The following AGPAT3 variants were observed in gnomAD, a reference collection of about 807,000 sequenced individuals.
AGPAT3 encodes 1-acyl-sn-glycerol-3-phosphate acyltransferase gamma.
In AGPAT3, 5 loss-of-function variants were observed where a neutral mutation model predicts 47.3. That is an observed-to-expected ratio of 0.11 (90% CI 0.06 to 0.22). The LOEUF (loss-of-function observed/expected upper bound fraction) is 0.22, where lower values mean the gene tolerates loss of function less well. AGPAT3 is among the 10% of genes least tolerant of loss of function. The pLI, the probability that AGPAT3 is intolerant of heterozygous loss-of-function variation, is 1.00. For missense variants in AGPAT3, 315 were observed against 493.0 expected, an observed-to-expected ratio of 0.64 and a Z score of 3.42; for synonymous variants, 212 against 208.3, an observed-to-expected ratio of 1.02 and a Z score of -0.15.
intron 7 of AGPAT3, 31 bp downstream of exon 7, chr21:43,971,521 C>A: frequency 6.3e-7 from 1 of 1,599,068 alleles, no homozygotes; most frequent in South Asian, 1.1e-5. Flanking sequence ...TCTCGCGCCG[C>A]CCCCCATACC....
In AGPAT3 at chr21:43,908,351, C is replaced by G. The variant is rs2086552179; in HGVS notation, c.-49+4332C>G. 6.6e-6 allele frequency among the ~76,000 whole-genome samples: 1 copy of G among 152,312 alleles called. No homozygotes were observed. The highest frequency in any genetic ancestry group is 3.4e-3 in the Middle Eastern group (1 of 294). The stretch of plus-strand genomic sequence containing the variant: ...GCCAAGTTCACACATGGCCACCTGC[C>G]AACCTGACCTGTGTGTTGAGCCCCG... On this transcript the variant is annotated intron_variant, in intron 2 of 9. Transcript: ENST00000291572. This position sits in a 1 kb window ranked among gnomAD's most constrained non-coding sequence, Gnocchi z 4.9.
At chr21:43,891,413 C>T (rs2086100047) in intron 1 of AGPAT3, among the ~76,000 whole-genome samples, 1 of 152,156 alleles carries the variant, frequency 6.6e-6, no homozygotes, top group African/African-American at 2.4e-5. Flanking sequence ...GTGGGCAGAT[C>T]ACGAGGTTAG....
Position 43,955,965 on chromosome 21 carries a change from G to C in AGPAT3, c.-48-3669G>C, listed in dbSNP as rs1290068013. ...TAGCAACGGAATCAGCAGGTCTGCT[G>C]TGGAGCCCGGGCATCTGCTTCTCGG... On this transcript the variant is annotated intron_variant, in intron 2 of 9. Coordinates refer to ENST00000291572, the MANE Select transcript of AGPAT3 (RefSeq NM_020132.5). This position sits in a 1 kb window ranked among gnomAD's most constrained non-coding sequence, Gnocchi z 4.1. 1.3e-5 allele frequency among the ~76,000 whole-genome samples: 2 copies of C among 151,966 alleles called. No homozygotes were observed. Among genetic ancestry groups the C allele is most frequent in the Non-Finnish European group, 2.9e-5 (2 of 68,024 alleles).
chr21:43,980,923 T>C (rs2089826894), intron 8 of AGPAT3, 66 bp from the exon 9 acceptor site: 1 of 1,385,316 alleles, frequency 7.2e-7, no homozygotes, highest in South Asian at 1.2e-5. Flanking sequence ...AACAATCTTC[T>C]CCTGCATTGA....
intron 1 of AGPAT3, among the ~76,000 whole-genome samples, chr21:43,886,647 G>A (rs1376798681): frequency 6.6e-6 from 1 of 152,100 alleles, no homozygotes; most frequent in Non-Finnish European, 1.5e-5. Context: ...GTCTTCATGA[G>A]TTCAGTTGTT....
intron 2 of AGPAT3, among the ~76,000 whole-genome samples, chr21:43,921,344 G>A (rs967783117): frequency 1.3e-5 from 2 of 152,070 alleles, no homozygotes; most frequent in Admixed American, 6.5e-5. Flanking sequence ...ACCAGTAGAC[G>A]GTGTTCCCAG....
At position 43,939,263 on chromosome 21, in the gene AGPAT3, G is replaced by C. The variant is rs947959370; in HGVS notation, c.-48-20371G>C. ...TTAGGAACACCCCATCCCCGTCCCCGTGTGCTGTCGAGGGCCTCTAGCGGG... is the reference window on the plus strand; with the variant it reads ...TTAGGAACACCCCATCCCCGTCCCCCTGTGCTGTCGAGGGCCTCTAGCGGG... On this transcript the variant is annotated intron_variant, in intron 2 of 9. Coordinates refer to ENST00000291572, the MANE Select transcript of AGPAT3 (RefSeq NM_020132.5). This position sits in a 1 kb window ranked among gnomAD's most constrained non-coding sequence, Gnocchi z 4.4. Among the ~76,000 whole-genome samples the C allele has an allele frequency of 6.6e-6, 1 of 152,024 alleles. No homozygotes were observed. The highest frequency in any genetic ancestry group is 1.5e-5 in the Non-Finnish European group (1 of 67,986).
At position 43,922,459 on chromosome 21, in the gene AGPAT3, G is replaced by A. The variant is rs1359660007; in HGVS notation, c.-49+18440G>A. Reference sequence around the variant, plus strand: ...ACCCCACCCTCAAGGCAGGCAGCGAGTGGAGGAGAGTCTCCCTGGGACCCT... The same window carrying A: ...ACCCCACCCTCAAGGCAGGCAGCGAATGGAGGAGAGTCTCCCTGGGACCCT... On this transcript the variant is annotated intron_variant, in intron 2 of 9. Coordinates refer to ENST00000291572, the MANE Select transcript of AGPAT3 (RefSeq NM_020132.5). This position sits in a 1 kb window ranked among gnomAD's most constrained non-coding sequence, Gnocchi z 4.9. Among the ~76,000 whole-genome samples the A allele has an allele frequency of 6.6e-6, 1 of 152,256 alleles. No homozygotes were observed. The highest frequency in any genetic ancestry group is 6.5e-5 in the Admixed American group (1 of 15,292).
At chr21:43,900,890 G>A (rs1402715152) in intron 1 of AGPAT3, among the ~76,000 whole-genome samples, 3 of 152,166 alleles carry the variant, frequency 2.0e-5, no homozygotes, top group African/African-American at 4.8e-5. Flanking sequence ...GGAGATGCAG[G>A]ACAGCAGCAA....
At chr21:43,889,487 C>T (rs900589343) in intron 1 of AGPAT3, among the ~76,000 whole-genome samples, 2 of 152,096 alleles carry the variant, frequency 1.3e-5, no homozygotes, top group South Asian at 2.1e-4. Context: ...CCAATTTAGC[C>T]ATGATCTTTT....
At position 43,957,605 on chromosome 21, in the gene AGPAT3, G is replaced by A. The variant is rs1027184591; in HGVS notation, c.-48-2029G>A. On this transcript the variant is annotated intron_variant, in intron 2 of 9. Transcript: ENST00000291572. The stretch of plus-strand genomic sequence containing the variant: ...CTCCACACGGGGTTTCCCCCTCCAC[G>A]CGGGGGTCTCGGGTTTCCCCCTGCA... Among the ~76,000 whole-genome samples the A allele has an allele frequency of 1.5e-4, 18 of 117,920 alleles. No homozygotes were observed. The South Asian group carries it at 3.6e-3, about 24-fold the overall frequency. The allele number at this position is 117,920 out of a possible 152,430, so 77.4% of individuals were successfully genotyped here. A position where few individuals can be genotyped will look rare whatever the true frequency, so the allele number is the denominator to read the frequency against.
intron 2 of AGPAT3, among the ~76,000 whole-genome samples, chr21:43,959,159 G>T (rs2088680224): frequency 6.9e-6 from 1 of 144,464 alleles, no homozygotes; most frequent in African/African-American, 2.6e-5. Context: ...TGTGTGGCGT[G>T]TGTGGTGTGT....
chr21:43,957,923 C>T (rs57975130), intron 2 of AGPAT3, among the ~76,000 whole-genome samples: 5 of 152,246 alleles, frequency 3.3e-5, no homozygotes, highest in Middle Eastern at 3.4e-3. Flanking sequence ...GTGAGACGTG[C>T]GTAGAAGGAA....
chr21:43,899,655 C>T (rs1327287385), intron 1 of AGPAT3, among the ~76,000 whole-genome samples: 1 of 152,212 alleles, frequency 6.6e-6, no homozygotes, highest in Non-Finnish European at 1.5e-5. Context: ...TCTTGCCTTC[C>T]TGCCCTGAGC....
chr21:43,975,728 TTTTG>T (rs893689488), intron 7 of AGPAT3, among the ~76,000 whole-genome samples: 30 of 152,214 alleles, frequency 2.0e-4, no homozygotes, highest in African/African-American at 6.5e-4. Context: ...TTTGGGTTTT[TTTTG>T]TTTGTTTGTT....
chr21:43,919,173 T>A (rs1011421401), intron 2 of AGPAT3, among the ~76,000 whole-genome samples: 4 of 152,168 alleles, frequency 2.6e-5, no homozygotes, highest in African/African-American at 7.2e-5. Flanking sequence ...TCTTTTTTTT[T>A]AAACTTCACT....
At chr21:43,960,155 C>T (rs183842770) in intron 3 of AGPAT3, among the ~76,000 whole-genome samples, 31 of 152,306 alleles carry the variant, frequency 2.0e-4, no homozygotes, top group Admixed American at 1.1e-3. Flanking sequence ...TCTGTTTACC[C>T]GTTACCAAGC....
intron 1 of AGPAT3, among the ~76,000 whole-genome samples, chr21:43,874,530 A>G (rs1382095645): frequency 3.9e-5 from 6 of 152,222 alleles, no homozygotes; most frequent in Non-Finnish European, 8.8e-5. Context: ...CCTCATGGGC[A>G]GAGGGATATA....
chr21:43,928,235 G>T (rs1050276284), intron 2 of AGPAT3, among the ~76,000 whole-genome samples: 1 of 152,222 alleles, frequency 6.6e-6, no homozygotes, highest in Non-Finnish European at 1.5e-5. Context: ...AGCCACAGGG[G>T]CCCTCTTCTC....
Sources: allele counts gnomAD v4.1 joint callset (sites outside exome capture counted in the v4.1 genomes callset), GRCh38; gene constraint gnomAD v4.1.1; non-coding constraint Gnocchi (gnomAD v3.1); transcripts MANE v1.5; gene names NCBI Gene and HGNC (gene_info 2026-07-23, HGNC 2026-07-21).